The following ASIC2 variants were observed in gnomAD, a reference collection of about 807,000 sequenced individuals.
The protein encoded by ASIC2 is acid sensing ion channel subunit 2, also known as acid-sensing ion channel 2.
In ASIC2, 25 loss-of-function variants were observed where a neutral mutation model predicts 57.3. The ratio of observed to expected loss-of-function variants is 0.44; its 90% CI spans 0.32 to 0.61. ASIC2 has a LOEUF of 0.61. Ranked by LOEUF, ASIC2 falls within the 20% of genes least tolerant of loss-of-function variation. The pLI, the probability that ASIC2 is intolerant of heterozygous loss-of-function variation, is 0.06. For synonymous variants in ASIC2, 319 were observed against 307.5 expected, an observed-to-expected ratio of 1.04 and a Z score of -0.39; for missense variants, 641 against 738.1, an observed-to-expected ratio of 0.87 and a Z score of 1.52.
chr17:33,275,298 G>A (rs1904659822), intron 1 of ASIC2, among the ~76,000 whole-genome samples: 2 of 152,180 alleles, frequency 1.3e-5, no homozygotes, highest in East Asian at 1.9e-4. Context: ...TGGATGGGGT[G>A]GCAGTAACTG....
chr17:33,489,754 C>T (rs1913692404), intron 1 of ASIC2, among the ~76,000 whole-genome samples: 2 of 152,236 alleles, frequency 1.3e-5, no homozygotes, highest in Non-Finnish European at 2.9e-5. Context: ...TGAAGGCCAG[C>T]CTTCCTGAGT....
At chr17:33,692,200 T>C (rs972597021) in intron 1 of ASIC2, 4 of 152,150 alleles carry the variant, frequency 2.6e-5, no homozygotes, top group Non-Finnish European at 1.5e-5. Context: ...CCCCAAAAAA[T>C]GTTGGTTTGT....
chr17:33,958,240 A>G (rs1026209139), intron 1 of ASIC2, among the ~76,000 whole-genome samples: 1 of 152,134 alleles, frequency 6.6e-6, no homozygotes, highest in African/African-American at 2.4e-5. Flanking sequence ...CTGTAAGTGG[A>G]TCGACCATTC....
At chr17:34,022,987 A>T (rs1042913010) in intron 1 of ASIC2, among the ~76,000 whole-genome samples, 24 of 151,306 alleles carry the variant, frequency 1.6e-4, no homozygotes, top group African/African-American at 5.8e-4. Flanking sequence ...TCTCTCTCTT[A>T]TTCCTTCTCT....
chr17:33,726,038 C>G lies in ASIC2; in HGVS notation c.555+429940G>C, dbSNP rs566358923. Among the ~76,000 whole-genome samples, 17 of 152,328 alleles carry G rather than the reference C, an allele frequency of 1.1e-4. 1 individual carries two copies. The South Asian group carries it at 3.5e-3, about 32-fold the overall frequency. The stretch of plus-strand genomic sequence containing the variant: ...ATGGCCTCCACTGAGCTGCATCTCT[C>G]AAGACTCTCACCTTTCCACATGGAA... On this transcript the variant is annotated intron_variant, in intron 1 of 9. Transcript: ENST00000359872.
chr17:33,056,971 CACA>C (rs1567729050), intron 3 of ASIC2, among the ~76,000 whole-genome samples: 1 of 152,150 alleles, frequency 6.6e-6, no homozygotes. Flanking sequence ...TATTTACTTC[CACA>C]ACATCAACAG....
intron 1 of ASIC2, among the ~76,000 whole-genome samples, chr17:33,364,642 T>C (rs1351493726): frequency 3.3e-5 from 5 of 152,156 alleles, no homozygotes; most frequent in Non-Finnish European, 7.3e-5. Context: ...CTCTCTGCCT[T>C]CCACCATGAT....
At chr17:33,745,428 A>G (rs759261515) in intron 1 of ASIC2, among the ~76,000 whole-genome samples, 8 of 151,942 alleles carry the variant, frequency 5.3e-5, no homozygotes, top group Non-Finnish European at 7.4e-5. Context: ...ATCAATTTAC[A>G]TATCCAAGAA....
At chr17:33,129,022 A>C (rs2092335134) in intron 1 of ASIC2, among the ~76,000 whole-genome samples, 1 of 152,216 alleles carries the variant, frequency 6.6e-6, no homozygotes. Context: ...ACTCAGTAGA[A>C]ATTTGTTGAA....
chr17:34,087,506 C>T (rs1222501447), intron 1 of ASIC2, among the ~76,000 whole-genome samples: 7 of 152,092 alleles, frequency 4.6e-5, no homozygotes, highest in African/African-American at 7.2e-5. Flanking sequence ...GTTCATCTGA[C>T]AATTATGTGT....
At chr17:33,180,134 C>A (rs1377982269) in intron 1 of ASIC2, among the ~76,000 whole-genome samples, 1 of 152,122 alleles carries the variant, frequency 6.6e-6, no homozygotes, top group Non-Finnish European at 1.5e-5. Context: ...GAAACATTTA[C>A]TATAGGATCT....
At chr17:33,141,043 G>A (rs959417178) in intron 1 of ASIC2, among the ~76,000 whole-genome samples, 1 of 152,230 alleles carries the variant, frequency 6.6e-6, no homozygotes, top group African/African-American at 2.4e-5. Flanking sequence ...CTTTTCATTT[G>A]CAAAGAAAGA....
chr17:33,156,528 T>C (rs1300938404), intron 1 of ASIC2, among the ~76,000 whole-genome samples: 2 of 151,704 alleles, frequency 1.3e-5, no homozygotes, highest in East Asian at 3.9e-4. Context: ...GAGGCTGAAG[T>C]GGGTGGATCA....
At chr17:33,243,863 G>T (rs1272353794) in intron 1 of ASIC2, among the ~76,000 whole-genome samples, 1 of 152,100 alleles carries the variant, frequency 6.6e-6, no homozygotes, top group African/African-American at 2.4e-5. Context: ...CTGAAAGAAG[G>T]ACAATCTAAC....
chr17:33,048,899 C>T (rs16587), intron 3 of ASIC2, among the ~76,000 whole-genome samples: 35,740 of 152,106 alleles, frequency 0.23, 4,350 homozygotes, highest in Middle Eastern at 0.38. Context: ...TTATTTTCTT[C>T]CAGGTTTCCC....
At chr17:33,144,357 T>C (rs1904463796) in intron 1 of ASIC2, among the ~76,000 whole-genome samples, 1 of 150,326 alleles carries the variant, frequency 6.7e-6, no homozygotes, top group Non-Finnish European at 1.5e-5. Context: ...AGAGAGCGGG[T>C]GGGATAGGGA....
intron 1 of ASIC2, among the ~76,000 whole-genome samples, chr17:33,127,386 G>T (rs2092328182): frequency 6.6e-6 from 1 of 152,276 alleles, no homozygotes; most frequent in African/African-American, 2.4e-5. Context: ...CCTAAGATTT[G>T]CACTTGAGCA....
chr17:33,999,076 T>C (rs1319741948), intron 1 of ASIC2, among the ~76,000 whole-genome samples: 1 of 152,172 alleles, frequency 6.6e-6, no homozygotes, highest in African/African-American at 2.4e-5. Flanking sequence ...AATTGCTATA[T>C]ACTCTTGATT....
At chr17:34,139,345 A>G (rs774701754) in intron 1 of ASIC2, among the ~76,000 whole-genome samples, 1 of 152,176 alleles carries the variant, frequency 6.6e-6, no homozygotes, top group Non-Finnish European at 1.5e-5. Context: ...GTGATACCAC[A>G]TGGAAATAAA....
Sources: allele counts gnomAD v4.1 joint callset (sites outside exome capture counted in the v4.1 genomes callset), GRCh38; gene constraint gnomAD v4.1.1; transcripts MANE v1.5; gene names NCBI Gene and HGNC (gene_info 2026-07-23, HGNC 2026-07-21).